The following SLC7A7 variants were observed in gnomAD, a reference collection of about 807,000 sequenced individuals.
SLC7A7 encodes the protein solute carrier family 7 member 7.
SLC7A7 carries 39 observed loss-of-function variants against 47.9 expected under a neutral mutation model. The observed-to-expected ratio is 0.81, with a 90% CI of 0.63 to 1.06. The LOEUF (loss-of-function observed/expected upper bound fraction) is 1.06. SLC7A7 is among the 50% of genes least tolerant of loss of function. SLC7A7 has a pLI of 0.00. For synonymous variants in SLC7A7, 234 were observed against 242.8 expected, an observed-to-expected ratio of 0.96 and a Z score of 0.34; for missense variants, 588 against 632.0, an observed-to-expected ratio of 0.93 and a Z score of 0.75.
At chr14:22,783,180 C>T (rs2139402896) in intron 2 of SLC7A7, among the ~76,000 whole-genome samples, 1 of 152,108 alleles carries the variant, frequency 6.6e-6, no homozygotes, top group East Asian at 1.9e-4. Flanking sequence ...GATCTGCCCT[C>T]CTCAGCCTCC....
chr14:22,774,340 T>G lies in SLC7A7; in HGVS notation c.1245+14A>C. On this transcript the variant is annotated intron_variant, in intron 8 of 9. Transcript: ENST00000674313. ...TGTTTCAGGTGGAGCAGAGGTAGGA[T>G]GGAGTTGCCTTACCTTGAGGGGACG... 6.2e-7 allele frequency: 1 copy of G among 1,614,132 alleles called. No homozygotes were observed. The highest frequency in any genetic ancestry group is 1.1e-5 in the South Asian group (1 of 91,076).
chr14:22,801,587 T>C lies in SLC7A7; in HGVS notation c.499+11313A>G, dbSNP rs150970828. 2.4e-3 allele frequency among the ~76,000 whole-genome samples: 366 copies of C among 151,978 alleles called. 2 individuals carry two copies. Among genetic ancestry groups the C allele is most frequent in the African/African-American group, 8.5e-3 (351 of 41,440 alleles). ...TCATGAGGTCAAGAGATCAAGACCA[T>C]CCTGGCCAACATGGTGAAACCCCGT... On this transcript the variant is annotated intron_variant, in intron 2 of 9. Transcript: ENST00000674313.
chr14:22,797,272 C>T lies in SLC7A7; in HGVS notation c.499+15628G>A, dbSNP rs142813338. Among the ~76,000 whole-genome samples, 569 of 152,212 alleles carry T rather than the reference C, an allele frequency of 3.7e-3. 5 individuals are homozygous for T. The highest frequency in any genetic ancestry group is 0.013 in the African/African-American group (549 of 41,534). The stretch of plus-strand genomic sequence containing the variant: ...AACTTCAGAGCACTGGGGCAGTCCA[C>T]GAATTTCTCCAAGAAGTCAGAATAA... On this transcript the variant is annotated intron_variant, in intron 2 of 9. Coordinates refer to ENST00000674313, the MANE Select transcript of SLC7A7 (RefSeq NM_003982.4).
rs2038549938 is a variant in SLC7A7 at position 22,774,368 on chromosome 14, G to A, written c.1231C>T (p.Pro411Ser). Residue 411 changes from proline (P) to serine (S), a missense_variant, in exon 8 of 10, where the codon CCT (proline) becomes TCT (serine). Pro to Ser is a moderately conservative substitution (Grantham distance 74). Transcript: ENST00000674313. Reference sequence around the variant, plus strand: ...AGTTGCCTTACCTTGAGGGGACGAGGTCGATCAGGCTCCTTCCAGCGCAGA... The same window carrying A: ...AGTTGCCTTACCTTGAGGGGACGAGATCGATCAGGCTCCTTCCAGCGCAGA... ...LYLRWKEPDR[P>S]RPLKLSVFFP... 6.2e-7 allele frequency: 1 copy of A among 1,614,156 alleles called. No individual in the cohort carries two copies. Among genetic ancestry groups the A allele is most frequent in the Admixed American group, 1.7e-5 (1 of 60,006 alleles).
chr14:22,787,763 A>AT (rs1055209505), intron 2 of SLC7A7, among the ~76,000 whole-genome samples: 2 of 150,522 alleles, frequency 1.3e-5, no homozygotes, highest in East Asian at 3.9e-4. Flanking sequence ...CTCAAAAAAA[A>AT]TTTTTTTAAT....
At chr14:22,778,997 G>C in intron 3 of SLC7A7, 60 bp from the exon 4 acceptor site, 1 of 1,604,692 alleles carries the variant, frequency 6.2e-7, no homozygotes, top group Non-Finnish European at 8.5e-7. Context: ...ACTTCAAGAT[G>C]GTCAAGTAAA....
At chr14:22,807,908 T>G (rs1268207692) in intron 2 of SLC7A7, among the ~76,000 whole-genome samples, 1 of 152,196 alleles carries the variant, frequency 6.6e-6, no homozygotes. Flanking sequence ...ATGCCTGTAG[T>G]CCCAGCAATT....
chr14:22,818,081 G>A (rs2039430762), upstream of SLC7A7, among the ~76,000 whole-genome samples: 1 of 151,970 alleles, frequency 6.6e-6, no homozygotes, highest in African/African-American at 2.4e-5. Context: ...AAATTCACTG[G>A]CACCAAGGGG....
upstream of SLC7A7, among the ~76,000 whole-genome samples, chr14:22,818,583 GT>G (rs565680138): frequency 0.011 from 1,368 of 129,468 alleles, 18 homozygotes; most frequent in African/African-American, 0.032. Context: ...CAGGTTTTTG[GT>G]TTTTTTTTTT....
rs368748914 is a variant in SLC7A7 at position 22,776,256 on chromosome 14, T to C, written c.833A>G (p.Asn278Ser). Reference protein sequence around the residue: ...PIVTIIYILTNVAYYTVLDMR... With the variant: ...PIVTIIYILTSVAYYTVLDMR... ...GTCTAGCACAGTATAATAGGCCACATTGGTCAAGATATAGATGATGGTGAC... is the reference window on the plus strand; with the variant it reads ...GTCTAGCACAGTATAATAGGCCACACTGGTCAAGATATAGATGATGGTGAC... The change falls in exon 5 of 10, where the codon AAT (asparagine) becomes AGT (serine). Residue 278 changes from asparagine to serine, a missense_variant. Coordinates refer to ENST00000674313, the MANE Select transcript of SLC7A7 (RefSeq NM_003982.4). 1.5e-5 allele frequency: 25 copies of C among 1,614,170 alleles called. No homozygotes were observed. Among genetic ancestry groups the C allele is most frequent in the Non-Finnish European group, 1.9e-5 (23 of 1,180,028 alleles).
chr14:22,775,038 C>A (rs61974189), intron 7 of SLC7A7, among the ~76,000 whole-genome samples: 1 of 152,122 alleles, frequency 6.6e-6, no homozygotes, highest in African/African-American at 2.4e-5. Context: ...CCATTTGCAA[C>A]CCTAGCCATC....
intron 2 of SLC7A7, among the ~76,000 whole-genome samples, chr14:22,812,170 T>A (rs1033669032): frequency 1.1e-4 from 17 of 149,594 alleles, no homozygotes; most frequent in African/African-American, 3.6e-4. Context: ...CTTTTTTTTT[T>A]ATTTTTATTT....
intron 2 of SLC7A7, among the ~76,000 whole-genome samples, chr14:22,786,001 C>A (rs7161536): frequency 0.9 from 124,640 of 138,302 alleles, 56,307 homozygotes; most frequent in East Asian, 0.97. Context: ...CAGCCTGGGC[C>A]ACAGAGCGAG....
At chr14:22,778,072 C>G (rs1484585601) in intron 4 of SLC7A7, among the ~76,000 whole-genome samples, 1 of 152,086 alleles carries the variant, frequency 6.6e-6, no homozygotes, top group Non-Finnish European at 1.5e-5. Context: ...AAGACTCTCT[C>G]CAAAAAACAA....
intron 2 of SLC7A7, among the ~76,000 whole-genome samples, chr14:22,808,588 C>T (rs1393101438): frequency 6.6e-6 from 1 of 152,084 alleles, no homozygotes; most frequent in Non-Finnish European, 1.5e-5. Flanking sequence ...AGGCAGATAG[C>T]TTGAGCCCAG....
chr14:22,800,887 C>A (rs544033888), intron 2 of SLC7A7, among the ~76,000 whole-genome samples: 4 of 151,878 alleles, frequency 2.6e-5, no homozygotes, highest in Non-Finnish European at 4.4e-5. Flanking sequence ...TGCAGTGAGC[C>A]GAGATCGCGC....
At chr14:22,779,000 C>A in intron 3 of SLC7A7, 63 bp from the exon 4 acceptor site, 2 of 1,601,010 alleles carry the variant, frequency 1.2e-6, no homozygotes, top group South Asian at 2.2e-5. Flanking sequence ...TCAAGATGGT[C>A]AAGTAAAGGA....
chr14:22,776,008 A>G, intron 5 of SLC7A7, 72 bp from the exon 6 acceptor site: 1 of 1,431,574 alleles, frequency 7.0e-7, no homozygotes, highest in Non-Finnish European at 9.9e-7. Flanking sequence ...GCATGCCCCC[A>G]GATTCCCCTT....
chr14:22,778,855 C>T lies in SLC7A7; in HGVS notation c.708G>A (p.Leu236=). 6.2e-7 allele frequency: 1 copy of T among 1,614,180 alleles called. No homozygotes were observed. Among genetic ancestry groups the T allele is most frequent in the South Asian group, 1.1e-5 (1 of 91,086 alleles). Residue 236 remains leucine, a synonymous_variant, in exon 4 of 10, where the codon CTG becomes CTA. Coordinates refer to ENST00000674313, the MANE Select transcript of SLC7A7 (RefSeq NM_003982.4). ...GGGTGTCCCAGCCTGAGTAGGAGAA[C>T]AGAGCTGAGTACAGTGCCAGGGCAA... ...GDIALALYSA[L]FSYSGWDTLN...
Sources: gnomAD v4.1 joint callset for allele counts (sites outside exome capture counted in the v4.1 genomes callset) on GRCh38, gnomAD v4.1.1 for gene constraint, MANE v1.5 for transcripts, NCBI Gene and HGNC (gene_info 2026-07-23, HGNC 2026-07-21) for gene names.